Variants in MYH10 observed in about 807,000 individuals in gnomAD.
MYH10 encodes the protein myosin heavy chain 10.
A neutral mutation model predicts 257.8 loss-of-function variants in MYH10; 55 were observed. The observed-to-expected ratio is 0.21, with a 90% CI of 0.17 to 0.27. MYH10 has a LOEUF of 0.27. MYH10 is among the 10% of genes least tolerant of loss of function. MYH10 has a pLI of 1.00. For synonymous variants in MYH10, 854 were observed against 921.7 expected, an observed-to-expected ratio of 0.93 and a Z score of 1.33; for missense variants, 1,631 against 2,500.6, an observed-to-expected ratio of 0.65 and a Z score of 7.42.
intron 2 of MYH10, among the ~76,000 whole-genome samples, chr17:8,608,670 A>G (rs2084901009): frequency 6.6e-6 from 1 of 152,228 alleles, no homozygotes; most frequent in African/African-American, 2.4e-5. Flanking sequence ...TACTTTACCT[A>G]AGGGAGACAT....
At chr17:8,514,108 G>GCAC (rs1008373891) in intron 21 of MYH10, among the ~76,000 whole-genome samples, 1 of 152,120 alleles carries the variant, frequency 6.6e-6, no homozygotes, top group African/African-American at 2.4e-5. Context: ...CAGGCCCCTG[G>GCAC]CACCAGTTCC....
chr17:8,492,653 TCC>T, intron 33 of MYH10, 121 bp downstream of exon 33: 1 of 1,243,960 alleles, frequency 8.0e-7, no homozygotes, highest in Admixed American at 2.9e-5. Flanking sequence ...TTTTTTGCTT[TCC>T]CTTTTTCCAA....
At chr17:8,509,509 A>G (rs77910042) in intron 25 of MYH10, among the ~76,000 whole-genome samples, 388 of 152,342 alleles carry the variant, frequency 2.5e-3, no homozygotes, top group Non-Finnish European at 4.7e-3. Flanking sequence ...CCCACAGTCA[A>G]TGGTGGATGA....
At chr17:8,581,976 C>T (rs2083722792) in intron 4 of MYH10, among the ~76,000 whole-genome samples, 1 of 152,140 alleles carries the variant, frequency 6.6e-6, no homozygotes, top group Admixed American at 6.5e-5. Flanking sequence ...TAAAATGAGA[C>T]TTCACAGGAC....
rs1020358682 is a variant in MYH10, at chr17:8,504,125, T to C, written c.3599+569A>G. On this transcript the variant is annotated intron_variant, in intron 28 of 42. Transcript: ENST00000360416. This position sits in a 1 kb window ranked among gnomAD's most constrained non-coding sequence, Gnocchi z 5.6. ...GGAGCCTTCTCTGGCCATGTTCACC[T>C]ATGCTCGTCACTTTTTTCATGCCCG... Among the ~76,000 whole-genome samples, 3 of 152,226 alleles carry C rather than the reference T, an allele frequency of 2.0e-5. No individual in the cohort carries two copies. Among genetic ancestry groups the C allele is most frequent in the Non-Finnish European group, 4.4e-5 (3 of 68,026 alleles).
intron 7 of MYH10, chr17:8,560,880 A>C: frequency 1.9e-6 from 1 of 534,798 alleles, no homozygotes; most frequent in Admixed American, 2.1e-5. Flanking sequence ...GAGGGAGTGA[A>C]TATCATGGAA....
At chr17:8,554,125 T>G in intron 7 of MYH10, 107 bp from the exon 8 acceptor site, 1 of 757,080 alleles carries the variant, frequency 1.3e-6, no homozygotes, top group South Asian at 1.7e-5. Flanking sequence ...GTTACAATAA[T>G]GGATCTTATA....
At position 8,548,325 on chromosome 17, in the gene MYH10, G is replaced by A. The variant is rs1287419696; in HGVS notation, c.1147C>T (p.Pro383Ser). The change falls in exon 11 of 43, where the codon CCA becomes TCA. Residue 383 changes from proline (P) to serine (S), a missense_variant. By Grantham distance (74) the Pro-to-Ser change is moderately conservative. Transcript: ENST00000360416. ...KERNTDQASM[P>S]ENTVAQKLCH... The stretch of plus-strand genomic sequence containing the variant: ...TTCATCAGTTTACCTGTATTTTCTG[G>A]CATGGAAGCTTGATCAGTATTTCTC... 1 of 1,608,934 alleles carries A rather than the reference G, an allele frequency of 6.2e-7. No homozygotes were observed. The highest frequency in any genetic ancestry group is 1.7e-5 in the Admixed American group (1 of 59,642).
intron 30 of MYH10, among the ~76,000 whole-genome samples, chr17:8,495,798 C>T (rs1270183352): frequency 6.6e-6 from 1 of 152,044 alleles, no homozygotes; most frequent in East Asian, 1.9e-4. Flanking sequence ...CAACCTTTGC[C>T]TCCTGGGTTC....
chr17:8,475,977 G>A, intron 42 of MYH10, 29 bp from the exon 43 acceptor site: 1 of 1,601,814 alleles, frequency 6.2e-7, no homozygotes, highest in Non-Finnish European at 8.5e-7. Flanking sequence ...AGATGTGTGT[G>A]GGTAAACAGA....
In MYH10 at chr17:8,623,216, C is replaced by T. The variant is rs773679271; in HGVS notation, c.31G>A (p.Glu11Lys). ...GCCCTGTCCACAAAGAGATACCTCT[C>T]TGGATCCTCGAGTCCAGTTCTCTGC... MAQRTGLEDP[E>K]RYLFVDRAVI... The change falls in exon 2 of 43, where the codon GAG (glutamate) becomes AAG (lysine). Residue 11 changes from glutamate to lysine, a missense_variant. Physicochemically the swap from Glu to Lys is moderately conservative, Grantham distance 56. Transcript: ENST00000360416. 2 of 1,601,346 alleles carry T rather than the reference C, an allele frequency of 1.2e-6. No individual in the cohort carries two copies. The highest frequency in any genetic ancestry group is 8.5e-7 in the Non-Finnish European group (1 of 1,175,278).
intron 40 of MYH10, 108 bp from the exon 41 acceptor site, chr17:8,478,554 CATT>C (rs1256759191): frequency 2.2e-6 from 2 of 921,598 alleles, no homozygotes; most frequent in African/African-American, 3.3e-5. Flanking sequence ...ATGGTGGAGG[CATT>C]ATGGACCTCT....
intron 17 of MYH10, among the ~76,000 whole-genome samples, chr17:8,525,656 G>A (rs1313128613): frequency 6.6e-6 from 1 of 152,214 alleles, no homozygotes; most frequent in African/African-American, 2.4e-5. Flanking sequence ...TGCTGTCAGT[G>A]TTGTGTGTGT....
intron 2 of MYH10, among the ~76,000 whole-genome samples, chr17:8,611,820 G>C (rs561583808): frequency 1.2e-4 from 19 of 152,298 alleles, no homozygotes; most frequent in South Asian, 4.1e-4. Context: ...AGAAAAAAGA[G>C]AATGAGGCAG....
intron 36 of MYH10, among the ~76,000 whole-genome samples, chr17:8,484,917 G>A (rs911908135): frequency 2.6e-5 from 4 of 152,156 alleles, no homozygotes; most frequent in Non-Finnish European, 5.9e-5. Flanking sequence ...GTCTGATCTT[G>A]CCACTTCTAC....
chr17:8,484,787 C>A (rs1444691557), intron 36 of MYH10, among the ~76,000 whole-genome samples: 1 of 152,172 alleles, frequency 6.6e-6, no homozygotes, highest in African/African-American at 2.4e-5. Context: ...AAGCTATGAA[C>A]AGAAGGAAAT....
intron 2 of MYH10, among the ~76,000 whole-genome samples, chr17:8,617,834 T>G (rs1000299031): frequency 1.3e-5 from 2 of 152,156 alleles, no homozygotes; most frequent in African/African-American, 2.4e-5. Context: ...TCACAGCCTT[T>G]TTGCACTCTT....
chr17:8,561,712 A>C (rs371077108), intron 7 of MYH10: 23 of 608,690 alleles, frequency 3.8e-5, no homozygotes, highest in South Asian at 2.4e-4. Flanking sequence ...AAAATAATTC[A>C]GACATGTGGT....
intron 14 of MYH10, among the ~76,000 whole-genome samples, chr17:8,539,599 T>C (rs986925103): frequency 1.8e-4 from 28 of 151,522 alleles, no homozygotes; most frequent in Admixed American, 9.9e-4. Flanking sequence ...AATTCTTTTC[T>C]TTTTTTTTGA....
Sources: gnomAD v4.1 joint callset for allele counts (sites outside exome capture counted in the v4.1 genomes callset) on GRCh38, gnomAD v4.1.1 for gene constraint, Gnocchi (gnomAD v3.1) non-coding constraint, MANE v1.5 for transcripts, NCBI Gene and HGNC (gene_info 2026-07-23, HGNC 2026-07-21) for gene names.